The following EPCAM variants were observed in gnomAD, a reference collection of about 807,000 sequenced individuals.
EPCAM encodes adenocarcinoma-associated antigen.
In EPCAM, 39 loss-of-function variants were observed where a neutral mutation model predicts 40.0. The observed-to-expected ratio is 0.98, with a 90% CI of 0.76 to 1.27. The LOEUF (loss-of-function observed/expected upper bound fraction) is 1.27, where lower values mean the gene tolerates loss of function less well. Ranked by LOEUF, EPCAM falls within the 50% of genes most tolerant of loss-of-function variation. The pLI, the probability that EPCAM is intolerant of heterozygous loss-of-function variation, is 0.00. For synonymous variants in EPCAM, 168 were observed against 132.3 expected (o/e 1.27, Z -1.85); for missense variants, 503 against 381.2 (o/e 1.32, Z -2.66).
At chr2:47,372,427 C>G (rs528778213) in intron 1 of EPCAM, among the ~76,000 whole-genome samples, 16 of 151,426 alleles carry the variant, frequency 1.1e-4, no homozygotes, top group Admixed American at 5.9e-4. Context: ...TACCTGAGGT[C>G]AGGAGTCCTA....
rs534233369 is a variant in EPCAM at position 47,381,636 on chromosome 2, C to T, written c.858+1667C>T. On this transcript the variant is annotated intron_variant, in intron 7 of 8. Coordinates refer to ENST00000263735, the MANE Select transcript of EPCAM (RefSeq NM_002354.3). Reference sequence around the variant, plus strand: ...TGGGCAGTGTATCCATTTTCAAAGACATTTACATATTTAAAAATACAAAAA... The same window carrying T: ...TGGGCAGTGTATCCATTTTCAAAGATATTTACATATTTAAAAATACAAAAA... Among the ~76,000 whole-genome samples the T allele has an allele frequency of 2.0e-4, 30 of 152,178 alleles. No individual in the cohort carries two copies. The South Asian group carries it at 3.3e-3, about 17-fold the overall frequency.
chr2:47,385,185 G>T lies in EPCAM; in HGVS notation c.878G>T (p.Arg293Ile). The T allele has an allele frequency of 1.1e-5, 18 of 1,613,130 alleles. No homozygotes were observed. Among genetic ancestry groups the T allele is most frequent in the Non-Finnish European group, 1.4e-5 (17 of 1,179,288 alleles). The change falls in exon 8 of 9, where the codon AGA (arginine) becomes ATA (isoleucine). Residue 293 changes from arginine (R) to isoleucine (I), a missense_variant. Transcript: ENST00000263735. ...IVVLVISRKK[R>I]MAKYEKAEIK... is the part of the protein sequence containing the mutation. ...ACTCAGGTTATTTCCAGAAAGAAGAGAATGGCAAAGTATGAGAAGGCTGAG... is the reference window on the plus strand; with the variant it reads ...ACTCAGGTTATTTCCAGAAAGAAGATAATGGCAAAGTATGAGAAGGCTGAG...
chr2:47,385,809 A>G (rs1385678025), intron 8 of EPCAM, among the ~76,000 whole-genome samples: 3 of 152,234 alleles, frequency 2.0e-5, no homozygotes, highest in African/African-American at 7.2e-5. Context: ...GTAAAGGAAT[A>G]TTGGAAAAAG....
intron 1 of EPCAM, among the ~76,000 whole-genome samples, chr2:47,370,323 G>A (rs934665464): frequency 2.0e-5 from 3 of 152,130 alleles, no homozygotes; most frequent in Admixed American, 6.5e-5. Context: ...CCAAGCTGGA[G>A]TGCAATGGCG....
chr2:47,373,383 A>G, intron 1 of EPCAM, 80 bp from the exon 2 acceptor site: 1 of 889,896 alleles, frequency 1.1e-6, no homozygotes, highest in Middle Eastern at 2.5e-4. Context: ...TTTAGGCATT[A>G]TTATTACAAT....
intron 3 of EPCAM, 76 bp downstream of exon 3, chr2:47,374,124 A>G (rs2103748376): frequency 6.6e-7 from 1 of 1,516,992 alleles, no homozygotes; most frequent in East Asian, 2.4e-5. Context: ...TGATTATGTA[A>G]TATGATTTCA....
intron 7 of EPCAM, among the ~76,000 whole-genome samples, chr2:47,382,719 T>C (rs1457657453): frequency 6.6e-6 from 1 of 152,038 alleles, no homozygotes; most frequent in East Asian, 1.9e-4. Flanking sequence ...CAAAAGTGAA[T>C]CTGGAAAATA....
At chr2:47,385,454 C>G (rs1671719593) in intron 8 of EPCAM, among the ~76,000 whole-genome samples, 1 of 152,148 alleles carries the variant, frequency 6.6e-6, no homozygotes, top group Non-Finnish European at 1.5e-5. Context: ...GGTTTTTATT[C>G]TACAAAGAGT....
At chr2:47,378,028 C>G (rs577544299) in intron 5 of EPCAM, among the ~76,000 whole-genome samples, 1 of 151,876 alleles carries the variant, frequency 6.6e-6, no homozygotes, top group Non-Finnish European at 1.5e-5. Context: ...ATCAGGAGAT[C>G]GAGACCATCG....
At chr2:47,377,324 C>T (rs1238620590) in intron 5 of EPCAM, among the ~76,000 whole-genome samples, 6 of 152,074 alleles carry the variant, frequency 3.9e-5, no homozygotes, top group Admixed American at 6.6e-5. Flanking sequence ...GTAACCTCTG[C>T]TTCCAAGGTT....
intron 5 of EPCAM, among the ~76,000 whole-genome samples, 188 bp downstream of exon 5, chr2:47,377,265 A>T (rs1359096092): frequency 6.6e-6 from 1 of 151,746 alleles, no homozygotes; most frequent in Admixed American, 6.6e-5. Context: ...AAGACAGACT[A>T]TTGCTCTCTT....
intron 7 of EPCAM, among the ~76,000 whole-genome samples, chr2:47,382,147 G>A (rs1671610429): frequency 6.6e-6 from 1 of 151,982 alleles, no homozygotes; most frequent in Non-Finnish European, 1.5e-5. Context: ...ATAACGATGG[G>A]CATGAAAAAA....
chr2:47,374,932 C>T (rs952776444), intron 3 of EPCAM, among the ~76,000 whole-genome samples: 6 of 152,148 alleles, frequency 3.9e-5, no homozygotes, highest in Non-Finnish European at 7.3e-5. Flanking sequence ...CCACCATGCC[C>T]GGGCCTTTCA....
chr2:47,369,626 G>GGCGGA, intron 1 of EPCAM, 45 bp downstream of exon 1: 1 of 1,540,192 alleles, frequency 6.5e-7, no homozygotes, highest in African/African-American at 1.4e-5. Flanking sequence ...GGCTGGGCTG[G>GGCGGA]GGGGCAGCGG....
chr2:47,370,015 C>T (rs1326369359), intron 1 of EPCAM, among the ~76,000 whole-genome samples: 1 of 152,206 alleles, frequency 6.6e-6, no homozygotes, highest in Non-Finnish European at 1.5e-5. Flanking sequence ...GTCCTTGCAG[C>T]GGGCCCCGGA....
chr2:47,379,900 T>A lies in EPCAM; in HGVS notation c.789T>A (p.Gly263=), dbSNP rs2103759238. 1 of 1,614,190 alleles carries A rather than the reference T, an allele frequency of 6.2e-7. No homozygotes were observed. The highest frequency in any genetic ancestry group is 1.1e-5 in the South Asian group (1 of 91,082). Residue 263 remains glycine (G), a synonymous_variant, in exon 7 of 9, where the codon GGT becomes GGA. Transcript: ENST00000263735. ...AAGCACCTGAATTCTCAATGCAGGG[T>A]CTAAAAGCTGGTGTTATTGCTGTTA... ...DEKAPEFSMQ[G]LKAGVIAVIV...
chr2:47,372,558 G>A (rs1412636799), intron 1 of EPCAM, among the ~76,000 whole-genome samples: 2 of 152,110 alleles, frequency 1.3e-5, no homozygotes, highest in East Asian at 1.9e-4. Context: ...CGGATCATGA[G>A]GTCAGGAGTT....
chr2:47,369,400 C>T lies in EPCAM; in HGVS notation c.-106C>T. On this transcript the variant is annotated 5_prime_UTR_variant, in exon 1 of 9. Transcript: ENST00000263735. ...TCCTCCCGACGCGGACCCGCGTGCC[C>T]CAGGCCTCGCGCTGCCCGGCCGGCT... is the stretch of plus-strand genomic sequence containing the variant. 1 of 1,229,054 alleles carries T rather than the reference C, an allele frequency of 8.1e-7. No homozygotes were observed. The highest frequency in any genetic ancestry group is 1.1e-6 in the Non-Finnish European group (1 of 945,250). The allele number at this position is 1,229,054 out of a possible 1,614,324, so 76.1% of individuals were successfully genotyped here.
Position 47,383,600 on chromosome 2 carries a change from G to GCTT in EPCAM, c.859-1559_859-1557dup, listed in dbSNP as rs748996681. On this transcript the variant is annotated intron_variant, in intron 7 of 8. Transcript: ENST00000263735. ...TTACAGGCATGAGCCACTGTGCCCG[G>GCTT]CTTCTTCTTTTTTTTTTTTTTTTTT... Among the ~76,000 whole-genome samples, 364 of 104,612 alleles carry GCTT rather than the reference G, an allele frequency of 3.5e-3. 6 individuals carry two copies. The highest frequency in any genetic ancestry group is 9.8e-3 in the African/African-American group (265 of 27,068). 68.6% of individuals were successfully genotyped at this position (104,612 alleles called of 152,430 possible).
Sources: gnomAD v4.1 joint callset for allele counts (sites outside exome capture counted in the v4.1 genomes callset) on GRCh38, gnomAD v4.1.1 for gene constraint, MANE v1.5 for transcripts, NCBI Gene and HGNC (gene_info 2026-07-23, HGNC 2026-07-21) for gene names.